The following PTPRM variants were observed in gnomAD, a reference collection of about 807,000 sequenced individuals.
PTPRM encodes the protein receptor-type tyrosine-protein phosphatase mu.
Under a neutral mutation model 186.7 loss-of-function variants are expected in PTPRM, and 47 were observed. The ratio of observed to expected loss-of-function variants is 0.25; its 90% CI spans 0.20 to 0.32. The LOEUF (loss-of-function observed/expected upper bound fraction) is 0.32. PTPRM is among the 10% of genes least tolerant of loss of function. The probability of loss-of-function intolerance (pLI) is 1.00; values close to 1 mark genes in which losing one functional copy is unlikely to be tolerated. For synonymous variants in PTPRM, 668 were observed against 674.9 expected (o/e 0.99, Z 0.16); for missense variants, 1,494 against 1,865.0 (o/e 0.80, Z 3.66).
chr18:7,904,716 G>A (rs1306758250), intron 3 of PTPRM, among the ~76,000 whole-genome samples: 4 of 152,158 alleles, frequency 2.6e-5, no homozygotes, highest in African/African-American at 9.7e-5. Flanking sequence ...TAAAGCTTCT[G>A]TAAATATGAT....
At chr18:8,027,471 G>A (rs919174237) in intron 7 of PTPRM, among the ~76,000 whole-genome samples, 67 of 152,192 alleles carry the variant, frequency 4.4e-4, no homozygotes, top group African/African-American at 1.5e-3. Context: ...ATATGGAAAT[G>A]TGTACACTTG....
intron 19 of PTPRM, among the ~76,000 whole-genome samples, chr18:8,258,879 G>A (rs561878641): frequency 6.6e-6 from 1 of 151,814 alleles, no homozygotes; most frequent in East Asian, 1.9e-4. Context: ...AAAAAAAAAA[G>A]TGTGTGTGTA....
intron 7 of PTPRM, among the ~76,000 whole-genome samples, chr18:8,038,676 G>C (rs2086500392): frequency 6.6e-6 from 1 of 152,166 alleles, no homozygotes; most frequent in Non-Finnish European, 1.5e-5. Context: ...ACAGGCGTGA[G>C]CCACTGTGCC....
chr18:8,017,904 C>G (rs2084977330), intron 7 of PTPRM: 1 of 152,096 alleles, frequency 6.6e-6, no homozygotes, highest in South Asian at 2.1e-4. Flanking sequence ...ACAATTCTGG[C>G]CCCACCTCGC....
chr18:7,727,901 C>G (rs1461861613), intron 1 of PTPRM, among the ~76,000 whole-genome samples: 1 of 152,126 alleles, frequency 6.6e-6, no homozygotes. Context: ...TCATGTAATC[C>G]CCAAAATAGA....
At chr18:7,851,962 A>G (rs2046882450) in intron 2 of PTPRM, among the ~76,000 whole-genome samples, 1 of 152,190 alleles carries the variant, frequency 6.6e-6, no homozygotes, top group African/African-American at 2.4e-5. Flanking sequence ...ACAAACTGAT[A>G]TTGAACTTCA....
intron 1 of PTPRM, among the ~76,000 whole-genome samples, chr18:7,703,397 A>T (rs2040007586): frequency 6.6e-6 from 1 of 152,088 alleles, no homozygotes; most frequent in Admixed American, 6.6e-5. Flanking sequence ...CATCCCTTGT[A>T]AGTTGGATTC....
intron 7 of PTPRM, among the ~76,000 whole-genome samples, chr18:8,010,467 C>A (rs1356175734): frequency 1.3e-5 from 2 of 152,210 alleles, no homozygotes; most frequent in Non-Finnish European, 2.9e-5. Flanking sequence ...GTTTTGTTTT[C>A]ATGGTCTCAC....
intron 14 of PTPRM, among the ~76,000 whole-genome samples, chr18:8,222,272 A>G (rs369526587): frequency 3.3e-5 from 5 of 152,244 alleles, no homozygotes; most frequent in African/African-American, 1.2e-4. Context: ...CCAGATATCC[A>G]AGAAGAAATC....
chr18:8,309,415 T>G (rs1315849140), intron 20 of PTPRM, among the ~76,000 whole-genome samples: 1 of 152,172 alleles, frequency 6.6e-6, no homozygotes, highest in Non-Finnish European at 1.5e-5. Flanking sequence ...AAATAAATGT[T>G]TATTGATTAT....
chr18:7,852,030 G>C (rs982296976), intron 2 of PTPRM, among the ~76,000 whole-genome samples: 1 of 152,088 alleles, frequency 6.6e-6, no homozygotes, highest in Admixed American at 6.5e-5. Flanking sequence ...ATAGAGAAGG[G>C]ATATGTAAAG....
intron 2 of PTPRM, among the ~76,000 whole-genome samples, chr18:7,790,980 C>T (rs956721631): frequency 6.6e-6 from 1 of 151,672 alleles, no homozygotes; most frequent in African/African-American, 2.4e-5. Flanking sequence ...TGATAAAAGG[C>T]ATGCTCTTTA....
chr18:7,757,560 G>A (rs900415633), intron 1 of PTPRM, among the ~76,000 whole-genome samples: 12 of 152,134 alleles, frequency 7.9e-5, no homozygotes, highest in African/African-American at 2.9e-4. Context: ...GGGCGTTTCT[G>A]CAGTAAGCCT....
At chr18:8,288,133 G>A (rs1422942959) in intron 19 of PTPRM, among the ~76,000 whole-genome samples, 1 of 152,222 alleles carries the variant, frequency 6.6e-6, no homozygotes, top group Non-Finnish European at 1.5e-5. Context: ...AGCTTCTCCA[G>A]GACACCATCC....
chr18:7,930,532 T>C (rs1388042799), intron 5 of PTPRM, among the ~76,000 whole-genome samples: 1 of 152,182 alleles, frequency 6.6e-6, no homozygotes, highest in Non-Finnish European at 1.5e-5. Flanking sequence ...ATGACATAGC[T>C]GGCAATAATA....
chr18:8,289,587 T>TAC lies in PTPRM; in HGVS notation c.2755-6777_2755-6776dup, dbSNP rs1289080179. Among the ~76,000 whole-genome samples the TAC allele has an allele frequency of 2.9e-4, 28 of 95,696 alleles. No individual in the cohort carries two copies. The South Asian group carries it at 3.5e-3, about 12-fold the overall frequency. The allele number at this position is 95,696 out of a possible 152,430, so 62.8% of individuals were successfully genotyped here. A position where few individuals can be genotyped will look rare whatever the true frequency, so the allele number is the denominator to read the frequency against. The stretch of plus-strand genomic sequence containing the variant: ...ACATATATATATATACATATATATA[T>TAC]ACACATATATATATACACACATATA... On this transcript the variant is annotated intron_variant, in intron 19 of 32. Coordinates refer to ENST00000580170, the MANE Select transcript of PTPRM (RefSeq NM_001105244.2).
At chr18:7,691,323 T>C (rs2039727813) in intron 1 of PTPRM, among the ~76,000 whole-genome samples, 1 of 152,176 alleles carries the variant, frequency 6.6e-6, no homozygotes, top group Non-Finnish European at 1.5e-5. Context: ...TTTTGAGATT[T>C]AAATCTCTGT....
At chr18:8,302,760 TG>T (rs1472437551) in intron 20 of PTPRM, among the ~76,000 whole-genome samples, 1 of 151,772 alleles carries the variant, frequency 6.6e-6, no homozygotes, top group Non-Finnish European at 1.5e-5. Context: ...AGATGGATGA[TG>T]GGCAGTTGAA....
At position 8,292,523 on chromosome 18, in the gene PTPRM, A is replaced by G. The variant is rs114638482; in HGVS notation, c.2755-3845A>G. ...GGAAAATGCAAGACACCATCACCCT[A>G]TCTGTATGGAGTCAGGAGACAGTGA... On this transcript the variant is annotated intron_variant, in intron 19 of 32. Transcript: ENST00000580170. Among the ~76,000 whole-genome samples the G allele has an allele frequency of 6.3e-3, 958 of 152,336 alleles. 9 individuals carry two copies. The highest frequency in any genetic ancestry group is 0.022 in the African/African-American group (920 of 41,582).
Sources: allele counts gnomAD v4.1 joint callset (sites outside exome capture counted in the v4.1 genomes callset), GRCh38; gene constraint gnomAD v4.1.1; transcripts MANE v1.5; gene names NCBI Gene and HGNC (gene_info 2026-07-23, HGNC 2026-07-21).